Variants in KCNQ2 observed in about 807,000 individuals in gnomAD.
KCNQ2 encodes potassium voltage-gated channel subfamily KQT member 2.
In KCNQ2, 14 loss-of-function variants were observed where a neutral mutation model predicts 84.8. The observed-to-expected ratio is 0.17, with a 90% CI of 0.11 to 0.26. The LOEUF is 0.26. Among genes scored for constraint, KCNQ2 ranks in the 10% least tolerant of loss-of-function variants. The probability of loss-of-function intolerance (pLI) is 1.00; values close to 1 mark genes in which losing one functional copy is unlikely to be tolerated. For missense variants in KCNQ2, 788 were observed against 1,254.0 expected (o/e 0.63, Z 5.61); for synonymous variants, 599 against 554.1 (o/e 1.08, Z -1.14).
At chr20:63,439,904 C>T (rs1030233734) in intron 5 of KCNQ2, 196 bp from the exon 6 acceptor site, 5 of 644,204 alleles carry the variant, frequency 7.8e-6, no homozygotes, top group Non-Finnish European at 1.4e-5. Flanking sequence ...CTCCTCTTCC[C>T]CTACAGGCCA....
intron 15 of KCNQ2, among the ~76,000 whole-genome samples, chr20:63,409,610 G>C (rs1360468329): frequency 6.6e-6 from 1 of 152,254 alleles, no homozygotes; most frequent in African/African-American, 2.4e-5. Context: ...TGGCTGAGCA[G>C]GACCCACCCA....
chr20:63,467,912 G>C (rs547265520), intron 1 of KCNQ2, among the ~76,000 whole-genome samples: 4 of 152,282 alleles, frequency 2.6e-5, no homozygotes, highest in South Asian at 4.1e-4. Context: ...GGCTTGCAGT[G>C]ATTTCTAATA....
rs368268958 is a variant in KCNQ2, at chr20:63,407,091, C to T, written c.2172G>A (p.Pro724=). 1.6e-5 allele frequency: 25 copies of T among 1,534,546 alleles called. No homozygotes were observed. The highest frequency in any genetic ancestry group is 7.1e-5 in the South Asian group (6 of 84,392). The change falls in exon 17 of 17, where the codon CCG becomes CCA. Residue 724 remains proline, a synonymous_variant. Coordinates refer to ENST00000359125, the MANE Select transcript of KCNQ2 (RefSeq NM_172107.4). This position sits in a 1 kb window ranked among gnomAD's most constrained non-coding sequence, Gnocchi z 7.2. The part of the protein sequence containing the change: ...PSTSWQPQSH[P]RQGHGTSPVG... Reference sequence around the variant, plus strand: ...CGGGGGAGGTGCCGTGGCCCTGGCGCGGGTGGCTCTGTGGCTGCCAGGAGG... The same window carrying T: ...CGGGGGAGGTGCCGTGGCCCTGGCGTGGGTGGCTCTGTGGCTGCCAGGAGG...
rs6122438 is a variant in KCNQ2 at position 63,401,318 on chromosome 20, G to A, written c.*5326C>T. ...CCGTCAGCCCCCACCCTTACAAGAC[G>A]GCAAAGTTCAGCAAACTGGAACCCC... On this transcript the variant is annotated 3_prime_UTR_variant, in exon 17 of 17. Transcript: ENST00000359125. 64,772 of 159,000 alleles carry A rather than the reference G, an allele frequency of 0.41. 14,311 individuals carry two copies. Among genetic ancestry groups the A allele is most frequent in the East Asian group, 0.9 (4,910 of 5,444 alleles). The allele number at this position is 159,000 out of a possible 1,614,324, so 9.8% of individuals were successfully genotyped here.
chr20:63,445,819 G>A (rs112316931), intron 2 of KCNQ2, among the ~76,000 whole-genome samples: 4,700 of 42,974 alleles, frequency 0.11, 87 homozygotes, highest in South Asian at 0.15. Context: ...CTGAGCTGGG[G>A]GACCCTGTCT....
At chr20:63,459,725 A>G (rs919331598) in intron 1 of KCNQ2, among the ~76,000 whole-genome samples, 3 of 152,190 alleles carry the variant, frequency 2.0e-5, no homozygotes, top group African/African-American at 7.2e-5. Context: ...TGCTATCTGC[A>G]TGTTAGGATA....
chr20:63,439,122 T>A (rs966553487), intron 6 of KCNQ2, among the ~76,000 whole-genome samples: 61 of 152,220 alleles, frequency 4.0e-4, no homozygotes, highest in East Asian at 1.9e-4. Flanking sequence ...GGGCACACAG[T>A]GAAGGGGACA....
In KCNQ2 at chr20:63,472,432, T is replaced by C; in HGVS notation, c.32A>G (p.Tyr11Cys). MVQKSRNGGVYPGPSGEKKLK... is the reference protein window; with the variant it reads MVQKSRNGGVCPGPSGEKKLK... ...CTTCTTCTCCCCGCTCGGGCCGGGG[T>C]ATACGCCGCCGTTGCGCGACTTCTG... The change falls in exon 1 of 17, where the codon TAC becomes TGC. Residue 11 changes from tyrosine to cysteine, a missense_variant. Physicochemically the swap from Tyr to Cys is radical, Grantham distance 194 (BLOSUM62 -2). Around this residue, in one of 8 missense-constraint regions of KCNQ2, gnomAD observed 41 missense variants for 41.2 expected, o/e 0.99. Coordinates refer to ENST00000359125, the MANE Select transcript of KCNQ2 (RefSeq NM_172107.4). 1 of 1,534,558 alleles carries C rather than the reference T, an allele frequency of 6.5e-7. No homozygotes were observed. Among genetic ancestry groups the C allele is most frequent in the Non-Finnish European group, 8.7e-7 (1 of 1,146,842 alleles).
intron 1 of KCNQ2, among the ~76,000 whole-genome samples, chr20:63,461,410 G>A (rs2081943356): frequency 6.6e-6 from 1 of 152,156 alleles, no homozygotes; most frequent in African/African-American, 2.4e-5. Flanking sequence ...CATTCCTCGG[G>A]CACCTCCCAA....
intron 7 of KCNQ2, chr20:63,434,117 C>G: frequency 3.6e-6 from 2 of 558,700 alleles, no homozygotes; most frequent in Non-Finnish European, 6.3e-6. Context: ...GCTTGTCAGA[C>G]GGTGGGGCCT....
chr20:63,404,203 A>C lies in KCNQ2; in HGVS notation c.*2441T>G, dbSNP rs1211125591. ...AGCCCCAACCTGTGCCCAGGTGCTC[A>C]TGCCTCAGCGGCCCCATGGGAGGAA... On this transcript the variant is annotated 3_prime_UTR_variant, in exon 17 of 17. Transcript: ENST00000359125. 6.6e-6 allele frequency: 1 copy of C among 152,308 alleles called. No individual in the cohort carries two copies. The highest frequency in any genetic ancestry group is 2.4e-5 in the African/African-American group (1 of 41,400). 9.4% of individuals were successfully genotyped at this position (152,308 alleles called of 1,614,324 possible).
In KCNQ2 at chr20:63,407,258, G is replaced by T; in HGVS notation, c.2005C>A (p.Pro669Thr). ...CGGCTGTCTTCCGGGCTGTGGTACG[G>T]CGGCGCCGGCTCCGGCTCTTTGGCC... ...FGAKEPEPAPPYHSPEDSREH... is the reference protein window; with the variant it reads ...FGAKEPEPAPTYHSPEDSREH... Residue 669 changes from proline to threonine, a missense_variant, in exon 17 of 17, where the codon CCG becomes ACG. Physicochemically the swap from Pro to Thr is conservative, Grantham distance 38. This residue lies in a region of KCNQ2 where 378 missense variants were observed against 434.5 expected (regional missense o/e 0.87). Coordinates refer to ENST00000359125, the MANE Select transcript of KCNQ2 (RefSeq NM_172107.4). The surrounding 1 kb of genome is among the most constrained non-coding windows in gnomAD (Gnocchi z 7.2). The T allele has an allele frequency of 6.3e-7, 1 of 1,598,486 alleles. No individual in the cohort carries two copies. Among genetic ancestry groups the T allele is most frequent in the Non-Finnish European group, 8.5e-7 (1 of 1,178,020 alleles).
chr20:63,420,605 C>T (rs763172514), intron 11 of KCNQ2, among the ~76,000 whole-genome samples: 42 of 152,280 alleles, frequency 2.8e-4, no homozygotes, highest in Non-Finnish European at 3.5e-4. Context: ...CCTGCGCACA[C>T]GTGTGTTTAG....
chr20:63,440,875 G>A (rs946732577), intron 5 of KCNQ2, among the ~76,000 whole-genome samples: 1 of 152,000 alleles, frequency 6.6e-6, no homozygotes, highest in African/African-American at 2.4e-5. Context: ...GAGGCTGGGC[G>A]AGGCCTGACC....
At chr20:63,449,381 C>A in intron 1 of KCNQ2, 1 of 152,404 alleles carries the variant, frequency 6.6e-6, no homozygotes. Context: ...ATGCTGTGGC[C>A]ACATGCTACT....
At position 63,406,770 on chromosome 20, in the gene KCNQ2, C is replaced by T. The variant is rs2145482676; in HGVS notation, c.2493G>A (p.Arg831=). The change falls in exon 17 of 17, where the codon AGG becomes AGA. Residue 831 remains arginine (R), a synonymous_variant. Transcript: ENST00000359125. ...CTGACTCTCCCTCCGCAATGTAGGG[C>T]CTGACTTTGGCACAAGGCGCCACGG... ...YAAVAPCAKV[R]PYIAEGESDT... 5 of 1,612,524 alleles carry T rather than the reference C, an allele frequency of 3.1e-6. No homozygotes were observed. The highest frequency in any genetic ancestry group is 2.5e-6 in the Non-Finnish European group (3 of 1,179,826).
rs761188359 is a variant in KCNQ2 at position 63,408,469 on chromosome 20, C to A, written c.1831G>T (p.Ala611Ser). 15 of 1,608,000 alleles carry A rather than the reference C, an allele frequency of 9.3e-6. No individual in the cohort carries two copies. Among genetic ancestry groups the A allele is most frequent in the Non-Finnish European group, 1.2e-5 (14 of 1,178,328 alleles). ...DKDRTKGPAE[A>S]ELPEDPSMMG... ...ATGCTGGGGTCCTCGGGCAGCTCCG[C>A]CTCGGCCGGGCCCTTGGTGCGGTCC... The change falls in exon 16 of 17, where the codon GCG (alanine) becomes TCG (serine). Residue 611 changes from alanine (A) to serine (S), a missense_variant. Ala to Ser is a moderately conservative substitution (Grantham distance 99). Transcript: ENST00000359125. This position sits in a 1 kb window ranked among gnomAD's most constrained non-coding sequence, Gnocchi z 5.0.
intron 1 of KCNQ2, among the ~76,000 whole-genome samples, chr20:63,469,677 G>A (rs766725225): frequency 2.5e-4 from 38 of 152,364 alleles, no homozygotes; most frequent in Admixed American, 1.3e-4. Context: ...AGCTGGGTGC[G>A]GCAGCACAAG....
rs774040213 is a variant in KCNQ2, at chr20:63,414,950, C to T, written c.1478G>A (p.Arg493His). The T allele has an allele frequency of 2.5e-6, 4 of 1,612,580 alleles. No individual in the cohort carries two copies. The highest frequency in any genetic ancestry group is 2.7e-5 in the African/African-American group (2 of 74,894). ...GGCACCCTTGATGCGGAAAGCCTGG[C>T]GTGCCCGGCTGCGGTCCCCGAAGCT... is the stretch of plus-strand genomic sequence containing the variant. The part of the protein sequence containing the change: ...SWSFGDRSRA[R>H]QAFRIKGAAS... The change falls in exon 13 of 17, where the codon CGC becomes CAC. Residue 493 changes from arginine (R) to histidine (H), a missense_variant. Physicochemically the swap from Arg to His is conservative, Grantham distance 29 (BLOSUM62 0). Transcript: ENST00000359125. This position sits in a 1 kb window ranked among gnomAD's most constrained non-coding sequence, Gnocchi z 6.6.
Sources: gnomAD v4.1 joint callset for allele counts (sites outside exome capture counted in the v4.1 genomes callset) on GRCh38, gnomAD v4.1.1 for gene constraint, gnomAD v4.1.1 regional missense constraint, Gnocchi (gnomAD v3.1) non-coding constraint, MANE v1.5 for transcripts, NCBI Gene and HGNC (gene_info 2026-07-23, HGNC 2026-07-21) for gene names.